C10orf67: variants seen among roughly 807,000 people sequenced by gnomAD.
C10orf67 encodes chromosome 10 open reading frame 67, also known as uncharacterized protein C10orf67, mitochondrial.
Under a neutral mutation model 35.6 loss-of-function variants are expected in C10orf67, and 60 were observed. The ratio of observed to expected loss-of-function variants is 1.68; its 90% CI spans 1.37 to 2.09. The LOEUF (loss-of-function observed/expected upper bound fraction) is 2.09, where lower values mean the gene tolerates loss of function less well. Among genes scored for constraint, C10orf67 ranks in the 30% most tolerant of loss-of-function variants. The pLI is 0.00. For synonymous variants in C10orf67, 167 were observed against 115.8 expected (o/e 1.44, Z -2.84); for missense variants, 474 against 330.2 (o/e 1.44, Z -3.38).
intron 12 of C10orf67, among the ~76,000 whole-genome samples, chr10:23,247,848 G>T (rs11592314): frequency 0.1 from 15,700 of 152,216 alleles, 1,770 homozygotes; most frequent in East Asian, 0.66. Context: ...AACAGGGACC[G>T]TGAAGCCACT....
intron 4 of C10orf67, chr10:23,318,338 G>C (rs1844817073): frequency 1.3e-5 from 2 of 152,432 alleles, no homozygotes; most frequent in Admixed American, 1.3e-4. Flanking sequence ...GCTGGGCTCA[G>C]ATGAGCCTGG....
At chr10:23,255,702 A>C (rs961825675) in intron 10 of C10orf67, among the ~76,000 whole-genome samples, 43 of 151,778 alleles carry the variant, frequency 2.8e-4, no homozygotes, top group African/African-American at 9.4e-4. Flanking sequence ...TTATAACCGA[A>C]AAAAAAAAGA....
rs145677589 is a variant in C10orf67 at position 23,260,937 on chromosome 10, C to T, written c.1200+5325G>A. Among the ~76,000 whole-genome samples, 542 of 152,226 alleles carry T rather than the reference C, an allele frequency of 3.6e-3. 3 individuals are homozygous for T. The highest frequency in any genetic ancestry group is 0.012 in the African/African-American group (519 of 41,522). ...ATTCTTATGCTTTATTTAATGTAAA[C>T]CAGACAGAAATCTTATAAATTGTAA... On this transcript the variant is annotated intron_variant, in intron 10 of 15. Transcript: ENST00000636213.
intron 4 of C10orf67, among the ~76,000 whole-genome samples, chr10:23,315,604 G>A (rs1354541217): frequency 1.3e-5 from 2 of 151,818 alleles, no homozygotes; most frequent in African/African-American, 4.8e-5. Flanking sequence ...ATGCCCAGCT[G>A]ATCTTTTTGT....
chr10:23,307,716 C>G (rs1473458434), intron 4 of C10orf67, among the ~76,000 whole-genome samples: 2 of 151,402 alleles, frequency 1.3e-5, no homozygotes, highest in East Asian at 3.9e-4. Context: ...GTGATCTTCC[C>G]ACCTCTGCCT....
intron 5 of C10orf67, among the ~76,000 whole-genome samples, chr10:23,296,153 A>G (rs1470105684): frequency 6.6e-6 from 1 of 151,932 alleles, no homozygotes; most frequent in Non-Finnish European, 1.5e-5. Flanking sequence ...ATTTTCCTGT[A>G]TGCATGTGTC....
chr10:23,232,355 G>T (rs540853257), intron 13 of C10orf67, among the ~76,000 whole-genome samples: 9 of 152,102 alleles, frequency 5.9e-5, no homozygotes, highest in Admixed American at 1.3e-4. Flanking sequence ...GCTGAGAAAA[G>T]GCTAGGATAA....
At chr10:23,243,735 T>A (rs75105494) in intron 12 of C10orf67, among the ~76,000 whole-genome samples, 5,092 of 151,916 alleles carry the variant, frequency 0.034, 265 homozygotes, top group African/African-American at 0.12. Flanking sequence ...AAAACATTTT[T>A]AAAAACTGGC....
chr10:23,236,251 G>A (rs1842046133), intron 13 of C10orf67, among the ~76,000 whole-genome samples: 2 of 94,542 alleles, frequency 2.1e-5, no homozygotes, highest in Non-Finnish European at 1.9e-5. Flanking sequence ...TCCCTCTCGG[G>A]GGAAAAAAAA....
chr10:23,315,219 A>G (rs1042802626), intron 4 of C10orf67, among the ~76,000 whole-genome samples: 1 of 152,222 alleles, frequency 6.6e-6, no homozygotes, highest in African/African-American at 2.4e-5. Context: ...ACAATTAAGC[A>G]TATTTAACCA....
chr10:23,280,639 G>A (rs1420297961), intron 8 of C10orf67, among the ~76,000 whole-genome samples: 1 of 152,190 alleles, frequency 6.6e-6, no homozygotes. Flanking sequence ...TTGTGGTGCA[G>A]GCTCTTGCTG....
intron 15 of C10orf67, among the ~76,000 whole-genome samples, chr10:23,205,430 C>A (rs2131696688): frequency 6.6e-6 from 1 of 152,270 alleles, no homozygotes; most frequent in African/African-American, 2.4e-5. Flanking sequence ...TTCGTGTATT[C>A]TTTTGCACAT....
chr10:23,206,454 G>A (rs999657528), intron 15 of C10orf67, among the ~76,000 whole-genome samples: 1 of 152,198 alleles, frequency 6.6e-6, no homozygotes, highest in African/African-American at 2.4e-5. Context: ...ATATGTATAT[G>A]CATGTATATT....
intron 2 of C10orf67, among the ~76,000 whole-genome samples, chr10:23,326,416 C>A (rs1304218653): frequency 6.6e-6 from 1 of 152,096 alleles, no homozygotes; most frequent in Non-Finnish European, 1.5e-5. Context: ...AACTTGTCAA[C>A]CCGGAATTCT....
chr10:23,329,054 CAG>C (rs1325469628), intron 2 of C10orf67, among the ~76,000 whole-genome samples: 1 of 120,988 alleles, frequency 8.3e-6, no homozygotes, highest in African/African-American at 3.0e-5. Flanking sequence ...AAAGAGTAAA[CAG>C]AAAGGAATAA....
intron 8 of C10orf67, among the ~76,000 whole-genome samples, chr10:23,274,127 G>T (rs1843109951): frequency 6.6e-6 from 1 of 152,090 alleles, no homozygotes; most frequent in Non-Finnish European, 1.5e-5. Context: ...TAGGGAGTGG[G>T]TCACAGAGAT....
chr10:23,240,949 T>G (rs373337675), intron 12 of C10orf67, among the ~76,000 whole-genome samples: 7 of 152,206 alleles, frequency 4.6e-5, no homozygotes, highest in African/African-American at 1.4e-4. Flanking sequence ...GGTTATTGGA[T>G]TCCCAAAATT....
chr10:23,246,655 G>C (rs1163002938), intron 12 of C10orf67, among the ~76,000 whole-genome samples: 1 of 152,292 alleles, frequency 6.6e-6, no homozygotes, highest in East Asian at 1.9e-4. Flanking sequence ...GATTATAATG[G>C]AGCTGAAAAG....
intron 13 of C10orf67, among the ~76,000 whole-genome samples, chr10:23,225,089 G>C (rs1323857020): frequency 4.6e-5 from 7 of 152,152 alleles, no homozygotes; most frequent in African/African-American, 7.2e-5. Flanking sequence ...AAATTGAAAT[G>C]AAGGAAAAAA....
Sources: gnomAD v4.1 joint callset for allele counts (sites outside exome capture counted in the v4.1 genomes callset) on GRCh38, gnomAD v4.1.1 for gene constraint, MANE v1.5 for transcripts, NCBI Gene and HGNC (gene_info 2026-07-23, HGNC 2026-07-21) for gene names.